DNM3: variants seen among roughly 807,000 people sequenced by gnomAD.
DNM3 encodes the protein dynamin-3.
A neutral mutation model predicts 101.6 loss-of-function variants in DNM3; 47 were observed. The ratio of observed to expected loss-of-function variants is 0.46; its 90% CI spans 0.37 to 0.59. The LOEUF is 0.59. Ranked by LOEUF, DNM3 falls within the 20% of genes least tolerant of loss-of-function variation. The probability of loss-of-function intolerance (pLI) is 0.00; values close to 1 mark genes in which losing one functional copy is unlikely to be tolerated. For missense variants in DNM3, 849 were observed against 1,085.7 expected (o/e 0.78, Z 3.06); for synonymous variants, 385 against 387.9 (o/e 0.99, Z 0.09).
chr1:172,212,814 C>T (rs768615163), intron 14 of DNM3, among the ~76,000 whole-genome samples: 24 of 152,118 alleles, frequency 1.6e-4, no homozygotes, highest in Non-Finnish European at 3.1e-4. Flanking sequence ...AAGGTGAAAG[C>T]TCCCATAGTA....
intron 14 of DNM3, among the ~76,000 whole-genome samples, chr1:172,188,703 A>G (rs753737059): frequency 3.9e-5 from 6 of 152,090 alleles, no homozygotes; most frequent in Non-Finnish European, 7.4e-5. Flanking sequence ...AGGATTATAT[A>G]TAATTGCTGC....
chr1:172,036,781 C>T (rs1461174259), intron 6 of DNM3, among the ~76,000 whole-genome samples: 1 of 151,912 alleles, frequency 6.6e-6, no homozygotes, highest in Non-Finnish European at 1.5e-5. Context: ...CAACAAAAGC[C>T]AAAATTGACA....
chr1:172,272,502 A>T (rs984061291), intron 15 of DNM3, among the ~76,000 whole-genome samples: 2 of 152,184 alleles, frequency 1.3e-5, no homozygotes, highest in Admixed American at 6.6e-5. Context: ...TGCAATGTTA[A>T]TATATTTGTT....
At chr1:172,026,502 C>A (rs559146256) in intron 4 of DNM3, among the ~76,000 whole-genome samples, 105 of 152,166 alleles carry the variant, frequency 6.9e-4, no homozygotes, top group Non-Finnish European at 1.1e-3. Context: ...AGACACATAA[C>A]CGTCAGACTC....
At chr1:171,844,591 G>A (rs2031782058) in intron 1 of DNM3, among the ~76,000 whole-genome samples, 2 of 152,176 alleles carry the variant, frequency 1.3e-5, no homozygotes. Flanking sequence ...ACAGGTTTGA[G>A]ATTGTTATGA....
chr1:172,138,821 C>A, intron 14 of DNM3: 1 of 458,760 alleles, frequency 2.2e-6, no homozygotes. Context: ...ATGTGACTGC[C>A]TGTCTGTGCC....
intron 2 of DNM3, among the ~76,000 whole-genome samples, chr1:171,949,706 G>A (rs2042387692): frequency 6.6e-6 from 1 of 151,882 alleles, no homozygotes; most frequent in South Asian, 2.1e-4. Flanking sequence ...GTGAACCACT[G>A]CACCTGGCCT....
intron 4 of DNM3, among the ~76,000 whole-genome samples, chr1:172,028,992 T>C (rs943167497): frequency 6.6e-6 from 1 of 152,306 alleles, no homozygotes; most frequent in East Asian, 1.9e-4. Context: ...AAAGAGGAGC[T>C]GGTAGCATTC....
chr1:172,169,501 G>T (rs1367520563), intron 14 of DNM3, among the ~76,000 whole-genome samples: 2 of 151,902 alleles, frequency 1.3e-5, no homozygotes, highest in African/African-American at 2.4e-5. Context: ...AAATGGTTGA[G>T]CCTGACTTTT....
At chr1:172,283,707 C>T (rs2063576348) in intron 15 of DNM3, among the ~76,000 whole-genome samples, 2 of 139,956 alleles carry the variant, frequency 1.4e-5, no homozygotes, top group Admixed American at 7.8e-5. Flanking sequence ...TTGCAGTGAG[C>T]TGAGATCATG....
At chr1:172,304,584 TTC>T (rs1338986437) in intron 15 of DNM3, among the ~76,000 whole-genome samples, 1 of 152,184 alleles carries the variant, frequency 6.6e-6, no homozygotes, top group East Asian at 1.9e-4. Context: ...ATACACATTC[TTC>T]TCATCACCAC....
chr1:172,256,379 T>A (rs2062399636), intron 15 of DNM3, among the ~76,000 whole-genome samples: 1 of 152,044 alleles, frequency 6.6e-6, no homozygotes, highest in Non-Finnish European at 1.5e-5. Context: ...TTGAATATAT[T>A]TAATGATTTC....
chr1:172,086,595 T>C (rs937412275), intron 12 of DNM3, among the ~76,000 whole-genome samples: 2 of 152,078 alleles, frequency 1.3e-5, no homozygotes, highest in East Asian at 3.9e-4. Context: ...ATTAAAGTTT[T>C]AATCTGGCTA....
At chr1:171,860,164 A>G (rs1040932718) in intron 1 of DNM3, among the ~76,000 whole-genome samples, 3 of 152,174 alleles carry the variant, frequency 2.0e-5, no homozygotes, top group Non-Finnish European at 4.4e-5. Context: ...TCACTACCCC[A>G]TGTAGCTATT....
intron 1 of DNM3, among the ~76,000 whole-genome samples, chr1:171,861,760 A>G: frequency 6.6e-6 from 1 of 152,120 alleles, no homozygotes; most frequent in Non-Finnish European, 1.5e-5. Flanking sequence ...AAAATTAAAA[A>G]CTTTTGTGCT....
chr1:171,841,594 C>T lies in DNM3; in HGVS notation c.-63C>T. On this transcript the variant is annotated 5_prime_UTR_variant, in exon 1 of 21. Coordinates refer to ENST00000627582, the MANE Select transcript of DNM3 (RefSeq NM_015569.5). Reference sequence around the variant, plus strand: ...CAGCAGCAGCCAGGGCAGCGCGGCCCCTACTCCCTGTCAGGTCGTAGAGGC... The same window carrying T: ...CAGCAGCAGCCAGGGCAGCGCGGCCTCTACTCCCTGTCAGGTCGTAGAGGC... The T allele has an allele frequency of 2.6e-6, 4 of 1,558,648 alleles. No individual in the cohort carries two copies. The highest frequency in any genetic ancestry group is 3.5e-6 in the Non-Finnish European group (4 of 1,154,472).
intron 1 of DNM3, 49 bp from the exon 2 acceptor site, chr1:171,921,699 G>A: frequency 6.8e-7 from 1 of 1,469,532 alleles, no homozygotes; most frequent in South Asian, 1.2e-5. Flanking sequence ...GAATGTACAG[G>A]TGATAAGAAT....
chr1:172,092,739 G>T, intron 12 of DNM3, 85 bp from the exon 13 acceptor site: 3 of 1,357,758 alleles, frequency 2.2e-6, no homozygotes, highest in South Asian at 1.5e-5. Flanking sequence ...TTTTTTTAAA[G>T]CCTGTATAAA....
intron 2 of DNM3, among the ~76,000 whole-genome samples, chr1:171,924,794 C>T (rs57446042): frequency 0.039 from 5,974 of 152,116 alleles, 374 homozygotes; most frequent in African/African-American, 0.13. Flanking sequence ...AGTTTTGATC[C>T]GTATTTCTCT....
Sources: allele counts gnomAD v4.1 joint callset (sites outside exome capture counted in the v4.1 genomes callset), GRCh38; gene constraint gnomAD v4.1.1; transcripts MANE v1.5; gene names NCBI Gene and HGNC (gene_info 2026-07-23, HGNC 2026-07-21).